The following TCHH variants were observed in gnomAD, a reference collection of about 807,000 sequenced individuals.
TCHH encodes trichohyalin.
In TCHH, 6 loss-of-function variants were observed where a neutral mutation model predicts 6.3. The observed-to-expected ratio is 0.95, with a 90% CI of 0.52 to 1.88. The LOEUF is 1.88. TCHH is among the 40% of genes most tolerant of loss of function. TCHH has a pLI of 0.01. For missense variants in TCHH, 2,920 were observed against 2,449.1 expected (o/e 1.19, Z -4.06); for synonymous variants, 1,087 against 963.6 (o/e 1.13, Z -2.37).
Position 152,111,277 on chromosome 1 carries a change from A to C in TCHH, c.1940T>G (p.Leu647Arg). The C allele has an allele frequency of 6.3e-7, 1 of 1,579,840 alleles. No homozygotes were observed. The highest frequency in any genetic ancestry group is 8.6e-7 in the Non-Finnish European group (1 of 1,167,324). ...EEQEERRQQQ[L>R]RREQQERREQ... Reference sequence around the variant, plus strand: ...GCGCCTTTCCTGCTGCTCGCGCCTTAGTTGCTGCTGGCGCCTCTCCTCCTG... The same window carrying C: ...GCGCCTTTCCTGCTGCTCGCGCCTTCGTTGCTGCTGGCGCCTCTCCTCCTG... Residue 647 changes from leucine (L) to arginine (R), a missense_variant, in exon 3 of 3, where the codon CTA becomes CGA. Leu to Arg is a moderately radical substitution (Grantham distance 102). Coordinates refer to ENST00000614923, the MANE Select transcript of TCHH (RefSeq NM_007113.4).
chr1:152,109,315 C>G lies in TCHH; in HGVS notation c.3902G>C (p.Arg1301Pro), dbSNP rs768418842. 6.2e-6 allele frequency: 10 copies of G among 1,614,196 alleles called. No homozygotes were observed. The highest frequency in any genetic ancestry group is 4.5e-5 in the East Asian group (2 of 44,866). ...RHFPEEEQLE[R>P]EEQKEAKRRD... ...CCTTTTGGCTTCCTTTTGCTCTTCT[C>G]GCTCCAGCTGTTCTTCCTCTGGGAA... is the stretch of plus-strand genomic sequence containing the variant. The change falls in exon 3 of 3, where the codon CGA becomes CCA. Residue 1301 changes from arginine (R) to proline (P), a missense_variant. By Grantham distance (103) the Arg-to-Pro change is moderately radical (BLOSUM62 -2). Coordinates refer to ENST00000614923, the MANE Select transcript of TCHH (RefSeq NM_007113.4).
In TCHH at chr1:152,110,638, T is replaced by G; in HGVS notation, c.2579A>C (p.Gln860Pro). Residue 860 changes from glutamine to proline, a missense_variant, in exon 3 of 3, where the codon CAG becomes CCG. By Grantham distance (76) the Gln-to-Pro change is moderately conservative (BLOSUM62 -1). Coordinates refer to ENST00000614923, the MANE Select transcript of TCHH (RefSeq NM_007113.4). ...QEEEDGLQEDQERRRSQEQRR... is the reference protein window; with the variant it reads ...QEEEDGLQEDPERRRSQEQRR... ...CTGCTCCTGGCTTCGCCTCCTCTCC[T>G]GATCCTCCTGGAGGCCGTCCTCCTC... is the stretch of plus-strand genomic sequence containing the variant. The G allele has an allele frequency of 6.2e-7, 1 of 1,614,082 alleles. No individual in the cohort carries two copies. Among genetic ancestry groups the G allele is most frequent in the Non-Finnish European group, 8.5e-7 (1 of 1,180,020 alleles).
chr1:152,113,001 G>A lies in TCHH; in HGVS notation c.216C>T (p.Asn72=). 1 of 1,614,072 alleles carries A rather than the reference G, an allele frequency of 6.2e-7. No individual in the cohort carries two copies. The highest frequency in any genetic ancestry group is 1.3e-5 in the African/African-American group (1 of 74,976). Residue 72 remains asparagine, a synonymous_variant, in exon 3 of 3, where the codon AAC becomes AAT. Coordinates refer to ENST00000614923, the MANE Select transcript of TCHH (RefSeq NM_007113.4). ...CTTTGAAAATAAATAGGAGGAATTCGTTGAAATCGACACGCCCATTACTGT... is the reference window on the plus strand; with the variant it reads ...CTTTGAAAATAAATAGGAGGAATTCATTGAAATCGACACGCCCATTACTGT... ...DLDSNGRVDF[N]EFLLFIFKVA... is the part of the protein sequence containing the mutation.
chr1:152,114,966 T>C (rs916386031), intron 1 of TCHH, among the ~76,000 whole-genome samples: 1 of 152,242 alleles, frequency 6.6e-6, no homozygotes, highest in Non-Finnish European at 1.5e-5. Flanking sequence ...ATGGCTTTGC[T>C]GGTGGGATAA....
rs1658369888 is a variant in TCHH at position 152,111,823 on chromosome 1, T to C, written c.1394A>G (p.Glu465Gly). 1.3e-6 allele frequency: 2 copies of C among 1,527,228 alleles called. No homozygotes were observed. Among genetic ancestry groups the C allele is most frequent in the Non-Finnish European group, 1.8e-6 (2 of 1,134,358 alleles). 94.6% of individuals were successfully genotyped at this position (1,527,228 alleles called of 1,614,324 possible). Reference protein sequence around the residue: ...RDWLKREEETERHEQERRKQQ... With the variant: ...RDWLKREEETGRHEQERRKQQ... ...CTTGCGCCTCTCCTGCTCGTGCCTC[T>C]CCGTCTCCTCCTCGCGCTTCAGCCA... Residue 465 changes from glutamate to glycine, a missense_variant, in exon 3 of 3, where the codon GAG (glutamate) becomes GGG (glycine). By Grantham distance (98) the Glu-to-Gly change is moderately conservative (BLOSUM62 -2). Transcript: ENST00000614923.
In TCHH at chr1:152,110,425, C is replaced by A; in HGVS notation, c.2792G>T (p.Arg931Leu). 1 of 1,613,896 alleles carries A rather than the reference C, an allele frequency of 6.2e-7. No homozygotes were observed. The change falls in exon 3 of 3, where the codon CGC (arginine) becomes CTC (leucine). Residue 931 changes from arginine to leucine, a missense_variant. Arg to Leu is a moderately radical substitution (Grantham distance 102, BLOSUM62 -2). Transcript: ENST00000614923. ...RRRQEQERQYREEEQLQQEEE... is the reference protein window; with the variant it reads ...RRRQEQERQYLEEEQLQQEEE... ...CTCCTGCTGCAGCTGCTCTTCCTCGCGGTATTGTCTCTCCTGTTCTTGGCG... is the reference window on the plus strand; with the variant it reads ...CTCCTGCTGCAGCTGCTCTTCCTCGAGGTATTGTCTCTCCTGTTCTTGGCG...
Position 152,109,078 on chromosome 1 carries a change from T to C in TCHH, c.4139A>G (p.Glu1380Gly), listed in dbSNP as rs757653726. The change falls in exon 3 of 3, where the codon GAA (glutamate) becomes GGA (glycine). Residue 1380 changes from glutamate (E) to glycine (G), a missense_variant. Physicochemically the swap from Glu to Gly is moderately conservative, Grantham distance 98. Coordinates refer to ENST00000614923, the MANE Select transcript of TCHH (RefSeq NM_007113.4). ...QEQGRKFLEEEQRLRRQERER... is the reference protein window; with the variant it reads ...QEQGRKFLEEGQRLRRQERER... ...CCGTTCCTGGCGGCGCAGCCGCTGT[T>C]CCTCCTCGAGGAATTTTCTCCCTTG... 8.1e-6 allele frequency: 13 copies of C among 1,613,848 alleles called. No individual in the cohort carries two copies. The East Asian group carries it at 2.5e-4, about 30-fold the overall frequency.
Position 152,112,774 on chromosome 1 carries a change from A to G in TCHH, c.443T>C (p.Leu148Pro), listed in dbSNP as rs1436965122. 6.2e-7 allele frequency: 1 copy of G among 1,613,684 alleles called. No homozygotes were observed. The highest frequency in any genetic ancestry group is 1.3e-5 in the African/African-American group (1 of 74,858). ...CTCACTTTGCTCCTCTCCCTCAGCT[A>G]GCTCCCTCTCCTGTTCCTGCCTCTT... Reference protein sequence around the residue: ...RQKRQEQERELAEGEEQSEKQ... With the variant: ...RQKRQEQEREPAEGEEQSEKQ... Residue 148 changes from leucine (L) to proline (P), a missense_variant, in exon 3 of 3, where the codon CTA becomes CCA. Physicochemically the swap from Leu to Pro is moderately conservative, Grantham distance 98 (BLOSUM62 -3). Transcript: ENST00000614923.
rs371256621 is a variant in TCHH at position 152,112,820 on chromosome 1, GTTC to G, written c.394_396del (p.Glu132del). The stretch of plus-strand genomic sequence containing the variant: ...CTCTTCTGCCTGCGTCGTTGCCCAG[GTTC>G]TTCTTCCAGTTGTCTGTCCCGGGGC... On this transcript the variant is annotated inframe_deletion, in exon 3 of 3. Transcript: ENST00000614923. 971 of 1,613,816 alleles carry G rather than the reference GTTC, an allele frequency of 6.0e-4. 14 individuals are homozygous for G. In the East Asian group the frequency reaches 0.021, roughly 36 times the overall value.
In TCHH at chr1:152,110,258, C is replaced by A. The variant is rs1358794434; in HGVS notation, c.2959G>T (p.Glu987Ter). 6.2e-7 allele frequency: 1 copy of A among 1,609,068 alleles called. No individual in the cohort carries two copies. Among genetic ancestry groups the A allele is most frequent in the Admixed American group, 1.7e-5 (1 of 59,328 alleles). ...EPEKRRRQER[E>*]KKYREEEELQ... is the part of the protein sequence containing the mutation. Reference sequence around the variant, plus strand: ...TCCTCTTCCTCGCGGTATTTTTTCTCCCGCTCCTGGCGCCTTCTCTTCTCC... The same window carrying A: ...TCCTCTTCCTCGCGGTATTTTTTCTACCGCTCCTGGCGCCTTCTCTTCTCC... Residue 987 changes from glutamate to a stop codon, truncating the protein, a stop_gained, in exon 3 of 3, where the codon GAG becomes TAG. Coordinates refer to ENST00000614923, the MANE Select transcript of TCHH (RefSeq NM_007113.4). LOFTEE classifies it low-confidence loss of function (END_TRUNC).
rs1186570733 is a variant in TCHH at position 152,109,160 on chromosome 1, G to C, written c.4057C>G (p.Leu1353Val). The C allele has an allele frequency of 6.2e-7, 1 of 1,613,794 alleles. No individual in the cohort carries two copies. Among genetic ancestry groups the C allele is most frequent in the African/African-American group, 1.3e-5 (1 of 74,992 alleles). The change falls in exon 3 of 3, where the codon CTG becomes GTG. Residue 1353 changes from leucine (L) to valine (V), a missense_variant. Physicochemically the swap from Leu to Val is conservative, Grantham distance 32. Coordinates refer to ENST00000614923, the MANE Select transcript of TCHH (RefSeq NM_007113.4). ...TTTCTGTCACGCTCTTGGCGGCGCA[G>C]CGGCTGTTCCTCCCTTTCCTGGAGC... ...QLLQEREEQP[L>V]RRQERDRKFR...
Position 152,107,557 on chromosome 1 carries a change from C to T in TCHH, c.5660G>A (p.Arg1887His). The change falls in exon 3 of 3, where the codon CGC becomes CAC. Residue 1887 changes from arginine to histidine, a missense_variant. Physicochemically the swap from Arg to His is conservative, Grantham distance 29 (BLOSUM62 0). Transcript: ENST00000614923. ...GTGCCTCTGTTCCTCCTTCTGCTGG[C>T]GGCGGATGTGTTCTTCCCGTAATTT... Reference protein sequence around the residue: ...ERKLREEHIRRQQKEEQRHRQ... With the variant: ...ERKLREEHIRHQQKEEQRHRQ... 1.2e-6 allele frequency: 2 copies of T among 1,614,044 alleles called. No homozygotes were observed. Among genetic ancestry groups the T allele is most frequent in the Non-Finnish European group, 1.7e-6 (2 of 1,179,982 alleles).
At position 152,112,740 on chromosome 1, in the gene TCHH, C is replaced by G. The variant is rs1313662194; in HGVS notation, c.477G>C (p.Glu159Asp). ...GCTGCCTGTCGCGCTGTTCAAGTCG[C>G]TCTTGTTTCTCACTTTGCTCCTCTC... ...AEGEEQSEKQ[E>D]RLEQRDRQRR... The change falls in exon 3 of 3, where the codon GAG becomes GAC. Residue 159 changes from glutamate to aspartate, a missense_variant. Glu to Asp is a conservative substitution (Grantham distance 45). Transcript: ENST00000614923. 2.5e-6 allele frequency: 4 copies of G among 1,614,114 alleles called. No individual in the cohort carries two copies. The highest frequency in any genetic ancestry group is 1.7e-5 in the Admixed American group (1 of 60,024).
At chr1:152,113,549 G>C (rs1156829232) in intron 2 of TCHH, among the ~76,000 whole-genome samples, 1 of 152,226 alleles carries the variant, frequency 6.6e-6, no homozygotes, top group Admixed American at 6.5e-5. Flanking sequence ...GTCTGAAGCA[G>C]CCAGTATTCT....
At position 152,110,918 on chromosome 1, in the gene TCHH, A is replaced by G. The variant is rs1328883479; in HGVS notation, c.2299T>C (p.Phe767Leu). Residue 767 changes from phenylalanine (F) to leucine (L), a missense_variant, in exon 3 of 3, where the codon TTC becomes CTC. Physicochemically the swap from Phe to Leu is conservative, Grantham distance 22. Coordinates refer to ENST00000614923, the MANE Select transcript of TCHH (RefSeq NM_007113.4). ...QQQEEEQRRD[F>L]TWQWQAEEKS... ...TCCTCCGCCTGCCACTGCCATGTGA[A>G]GTCCCGGCGCTGCTCCTCTTCCTGC... The G allele has an allele frequency of 3.1e-6, 5 of 1,609,114 alleles. No homozygotes were observed. The African/African-American group carries it at 6.8e-5, about 22-fold the overall frequency.
rs1658456077 is a variant in TCHH at position 152,114,118 on chromosome 1, CAATAA to C, written c.-31-12_-31-8del. On this transcript the variant is annotated splice_region_variant and splice_polypyrimidine_tract_variant and intron_variant, in intron 1 of 2. Transcript: ENST00000614923. ...CCTTCAAGTTCAAGTAAACCTAGAACAATAAAATAAGATCCAGAATCAAAATCCCG... is the reference window on the plus strand; with the variant it reads ...CCTTCAAGTTCAAGTAAACCTAGAACAATAAGATCCAGAATCAAAATCCCG... 1 of 1,567,390 alleles carries C rather than the reference CAATAA, an allele frequency of 6.4e-7. No homozygotes were observed. Among genetic ancestry groups the C allele is most frequent in the Non-Finnish European group, 8.6e-7 (1 of 1,162,258 alleles).
rs780458975 is a variant in TCHH at position 152,110,529 on chromosome 1, T to C, written c.2688A>G (p.Gln896=). The change falls in exon 3 of 3, where the codon CAA becomes CAG. Residue 896 remains glutamine, a synonymous_variant. Transcript: ENST00000614923. ...GCTGCTGTTCCTTCCTCAGCTGCTC[T>C]TGTAGGGCTGGCTTGGCGTACAGCG... The part of the protein sequence containing the change: ...RHTLYAKPAL[Q]EQLRKEQQLL... The C allele has an allele frequency of 1.9e-6, 3 of 1,614,086 alleles. No homozygotes were observed. The highest frequency in any genetic ancestry group is 1.7e-5 in the Admixed American group (1 of 60,016).
In TCHH at chr1:152,107,840, A is replaced by C. The variant is rs1272426853; in HGVS notation, c.5377T>G (p.Ser1793Ala). The C allele has an allele frequency of 4.4e-6, 7 of 1,587,082 alleles. No individual in the cohort carries two copies. In the Admixed American group the frequency reaches 8.7e-5, roughly 20 times the overall value. Reference protein sequence around the residue: ...REEQQLRSQESDRKFREEEQL... With the variant: ...REEQQLRSQEADRKFREEEQL... ...TCCTCCTCGCGGAATTTTCTGTCAG[A>C]CTCTTGGCTGCGCAGCTGCTGTTCC... Residue 1793 changes from serine (S) to alanine (A), a missense_variant, in exon 3 of 3, where the codon TCT becomes GCT. Transcript: ENST00000614923.
Position 152,112,911 on chromosome 1 carries a change from C to G in TCHH, c.306G>C (p.Arg102=), listed in dbSNP as rs1658426994. The change falls in exon 3 of 3, where the codon CGG becomes CGC. Residue 102 remains arginine, a synonymous_variant. Transcript: ENST00000614923. ...ATGLDEEKRA[R]CDGKESLLQD... is the part of the protein sequence containing the mutation. The stretch of plus-strand genomic sequence containing the variant: ...GTAACAGGCTCTCCTTTCCGTCACA[C>G]CGGGCTCGCTTCTCCTCATCCAGTC... 1 of 1,613,934 alleles carries G rather than the reference C, an allele frequency of 6.2e-7. No homozygotes were observed. Among genetic ancestry groups the G allele is most frequent in the Non-Finnish European group, 8.5e-7 (1 of 1,180,026 alleles).
Sources: allele counts gnomAD v4.1 joint callset (sites outside exome capture counted in the v4.1 genomes callset), GRCh38; gene constraint gnomAD v4.1.1; transcripts MANE v1.5; gene names NCBI Gene and HGNC (gene_info 2026-07-23, HGNC 2026-07-21).